LUZP2: variants seen among roughly 807,000 people sequenced by gnomAD.
LUZP2 encodes the protein leucine zipper protein 2.
LUZP2 carries 52 observed loss-of-function variants against 51.6 expected under a neutral mutation model. That is an observed-to-expected ratio of 1.01 (90% CI 0.81 to 1.27). The LOEUF (loss-of-function observed/expected upper bound fraction) is 1.27, where lower values mean the gene tolerates loss of function less well. Among genes scored for constraint, LUZP2 ranks in the 50% most tolerant of loss-of-function variants. The pLI, the probability that LUZP2 is intolerant of heterozygous loss-of-function variation, is 0.00. For missense variants in LUZP2, 436 were observed against 395.4 expected (o/e 1.10, Z -0.87); for synonymous variants, 154 against 137.3 (o/e 1.12, Z -0.85).
At chr11:24,734,215 G>T (rs1858839857) in intron 3 of LUZP2, among the ~76,000 whole-genome samples, 1 of 151,054 alleles carries the variant, frequency 6.6e-6, no homozygotes, top group Non-Finnish European at 1.5e-5. Context: ...TGGAGTAAAA[G>T]AAAATAAAGT....
intron 7 of LUZP2, among the ~76,000 whole-genome samples, chr11:24,941,806 G>A (rs1453092262): frequency 2.0e-5 from 3 of 151,950 alleles, no homozygotes; most frequent in Non-Finnish European, 2.9e-5. Flanking sequence ...CATCATTTCA[G>A]TTGGACAATT....
intron 7 of LUZP2, among the ~76,000 whole-genome samples, chr11:24,927,559 C>A (rs533258871): frequency 6.6e-6 from 1 of 151,994 alleles, no homozygotes; most frequent in East Asian, 1.9e-4. Flanking sequence ...AAGTATTTGG[C>A]TTTATTTCTT....
intron 1 of LUZP2, among the ~76,000 whole-genome samples, chr11:24,569,156 G>T (rs1255361066): frequency 1.3e-5 from 2 of 151,924 alleles, no homozygotes; most frequent in Non-Finnish European, 2.9e-5. Flanking sequence ...TTTCTTTAAG[G>T]GAGCCTGTTA....
intron 5 of LUZP2, among the ~76,000 whole-genome samples, chr11:24,837,454 T>A (rs1282253800): frequency 6.6e-6 from 1 of 151,734 alleles, no homozygotes; most frequent in Non-Finnish European, 1.5e-5. Flanking sequence ...ACTAAAAAGA[T>A]TCAGAATAAG....
intron 5 of LUZP2, among the ~76,000 whole-genome samples, chr11:24,894,806 T>C (rs1292703697): frequency 1.3e-5 from 2 of 152,202 alleles, no homozygotes; most frequent in East Asian, 3.8e-4. Flanking sequence ...ACTTTATGTA[T>C]GATAGGTTAA....
At chr11:24,853,426 C>T (rs1299307099) in intron 5 of LUZP2, among the ~76,000 whole-genome samples, 2 of 152,038 alleles carry the variant, frequency 1.3e-5, no homozygotes, top group East Asian at 3.9e-4. Flanking sequence ...ATTGATACTT[C>T]TGTATGCTTC....
chr11:24,581,543 C>G (rs1188919833), intron 1 of LUZP2, among the ~76,000 whole-genome samples: 2 of 151,694 alleles, frequency 1.3e-5, no homozygotes, highest in Non-Finnish European at 2.9e-5. Flanking sequence ...TGGTGGCGCT[C>G]TCTTGCAATC....
At chr11:24,998,088 G>A (rs992094232) in intron 9 of LUZP2, among the ~76,000 whole-genome samples, 12 of 152,114 alleles carry the variant, frequency 7.9e-5, no homozygotes, top group African/African-American at 2.4e-4. Flanking sequence ...GCTTAGGATT[G>A]ACTTGGCGAT....
At chr11:25,034,769 A>C (rs1485440486) in intron 9 of LUZP2, among the ~76,000 whole-genome samples, 1 of 152,044 alleles carries the variant, frequency 6.6e-6, no homozygotes, top group Non-Finnish European at 1.5e-5. Flanking sequence ...TATTCCATTT[A>C]ATTGGTCTAC....
chr11:24,875,551 C>T (rs891882598), intron 5 of LUZP2, among the ~76,000 whole-genome samples: 6 of 145,884 alleles, frequency 4.1e-5, no homozygotes, highest in South Asian at 4.6e-4. Flanking sequence ...TGAATAGTGC[C>T]GCAATAAACA....
intron 2 of LUZP2, among the ~76,000 whole-genome samples, chr11:24,731,460 C>A (rs1387619327): frequency 2.0e-5 from 3 of 151,612 alleles, no homozygotes; most frequent in Non-Finnish European, 4.4e-5. Flanking sequence ...AGGATAGATT[C>A]TCTTGCAAGA....
intron 1 of LUZP2, among the ~76,000 whole-genome samples, chr11:24,562,237 C>T (rs1171628380): frequency 6.6e-6 from 1 of 151,772 alleles, no homozygotes; most frequent in African/African-American, 2.4e-5. Flanking sequence ...AGACATTGCC[C>T]TTATATATGT....
chr11:25,044,209 G>GTA (rs370084760), intron 9 of LUZP2, among the ~76,000 whole-genome samples: 36 of 135,732 alleles, frequency 2.7e-4, no homozygotes, highest in South Asian at 1.2e-3. Context: ...ATATGTATGT[G>GTA]TATATATATA....
chr11:24,930,355 T>G (rs1404129114), intron 7 of LUZP2, among the ~76,000 whole-genome samples: 1 of 152,190 alleles, frequency 6.6e-6, no homozygotes. Context: ...GAGATTCTAT[T>G]TTGATGTATT....
rs79375374 is a variant in LUZP2 at position 25,035,968 on chromosome 11, A to T, written c.766-14070A>T. Among the ~76,000 whole-genome samples, 1,191 of 152,062 alleles carry T rather than the reference A, an allele frequency of 7.8e-3. 34 individuals are homozygous for T. The East Asian group carries it at 0.099, about 13-fold the overall frequency. On this transcript the variant is annotated intron_variant, in intron 9 of 11. Coordinates refer to ENST00000336930, the MANE Select transcript of LUZP2 (RefSeq NM_001009909.4). ...TTTGCCAGATTTTGATATCAGATGG[A>T]TGTTGGCTTCATAGGATGAATTAGG...
intron 1 of LUZP2, among the ~76,000 whole-genome samples, chr11:24,697,803 A>G (rs1282508457): frequency 2.0e-5 from 3 of 152,274 alleles, no homozygotes; most frequent in Non-Finnish European, 2.9e-5. Context: ...GGTTTCTCCT[A>G]CAGATAACAT....
chr11:24,904,048 C>G (rs1163445384), intron 5 of LUZP2, among the ~76,000 whole-genome samples: 1 of 152,060 alleles, frequency 6.6e-6, no homozygotes, highest in African/African-American at 2.4e-5. Flanking sequence ...GAGACACTTC[C>G]ATACTGTTTT....
chr11:24,681,014 G>T (rs1480438513), intron 1 of LUZP2, among the ~76,000 whole-genome samples: 28 of 140,352 alleles, frequency 2.0e-4, no homozygotes, highest in African/African-American at 6.7e-4. Flanking sequence ...TCGCTCTGTC[G>T]CCCAGGCCGG....
At chr11:24,572,818 T>A (rs1852486863) in intron 1 of LUZP2, among the ~76,000 whole-genome samples, 1 of 152,074 alleles carries the variant, frequency 6.6e-6, no homozygotes, top group Admixed American at 6.6e-5. Flanking sequence ...AATATTCTGT[T>A]TTCTGAAACT....
Sources: gnomAD v4.1 joint callset for allele counts (sites outside exome capture counted in the v4.1 genomes callset) on GRCh38, gnomAD v4.1.1 for gene constraint, MANE v1.5 for transcripts, NCBI Gene and HGNC (gene_info 2026-07-23, HGNC 2026-07-21) for gene names.